Variants in SV2C observed in about 807,000 individuals in gnomAD.
SV2C encodes solute carrier family 22 member B3.
SV2C carries 49 observed loss-of-function variants against 79.7 expected under a neutral mutation model. That is an observed-to-expected ratio of 0.61 (90% CI 0.49 to 0.78). The LOEUF is 0.78. Among genes scored for constraint, SV2C ranks in the 30% least tolerant of loss-of-function variants. The pLI is 0.00. For synonymous variants in SV2C, 334 were observed against 333.2 expected (o/e 1.00, Z -0.03); for missense variants, 833 against 912.9 (o/e 0.91, Z 1.13).
chr5:76,010,199 A>G, the SV2C span, among the ~76,000 whole-genome samples: 75 of 152,180 alleles, frequency 4.9e-4, no homozygotes, highest in African/African-American at 1.7e-3. Context: ...TGTAGAGTGA[A>G]CAGGCATCAG....
At chr5:76,254,689 A>G (rs1002375451) in intron 4 of SV2C, among the ~76,000 whole-genome samples, 2 of 152,224 alleles carry the variant, frequency 1.3e-5, no homozygotes, top group Non-Finnish European at 2.9e-5. Flanking sequence ...AAATCTTCTC[A>G]TGGCTTAATT....
chr5:76,042,390 A>G, the SV2C span, among the ~76,000 whole-genome samples: 1 of 152,198 alleles, frequency 6.6e-6, no homozygotes, highest in Non-Finnish European at 1.5e-5. Context: ...TGCTATAGGA[A>G]TTAGATAAAC....
At chr5:76,121,945 A>G (rs868649403) in intron 1 of SV2C, among the ~76,000 whole-genome samples, 1,629 of 152,146 alleles carry the variant, frequency 0.011, 22 homozygotes, top group Non-Finnish European at 0.015. Flanking sequence ...CATTGAATCT[A>G]TAAATTACCT....
At chr5:76,294,116 C>T (rs1417982815) in intron 8 of SV2C, among the ~76,000 whole-genome samples, 2 of 152,116 alleles carry the variant, frequency 1.3e-5, no homozygotes, top group African/African-American at 4.8e-5. Flanking sequence ...GATGATGATC[C>T]TGCTGGTCCG....
At chr5:76,278,081 A>G (rs1395780597) in intron 4 of SV2C, among the ~76,000 whole-genome samples, 1 of 152,252 alleles carries the variant, frequency 6.6e-6, no homozygotes, top group Non-Finnish European at 1.5e-5. Context: ...TTTGCTGTTT[A>G]GTGTAGATTC....
intron 2 of SV2C, among the ~76,000 whole-genome samples, chr5:76,143,475 A>G (rs932869740): frequency 6.6e-6 from 1 of 152,180 alleles, no homozygotes; most frequent in African/African-American, 2.4e-5. Context: ...CACACATTGC[A>G]GGATGTTTAC....
chr5:76,082,961 C>G (rs899704733), upstream of SV2C, among the ~76,000 whole-genome samples: 5 of 152,226 alleles, frequency 3.3e-5, no homozygotes, highest in African/African-American at 1.2e-4. Context: ...AGTCAGAACT[C>G]CCTCGCGTCT....
chr5:76,272,478 G>A (rs1386524490), intron 4 of SV2C, among the ~76,000 whole-genome samples: 4 of 152,140 alleles, frequency 2.6e-5, no homozygotes, highest in East Asian at 1.9e-4. Flanking sequence ...GGGTTTTTAC[G>A]GACAGCTACT....
intron 4 of SV2C, among the ~76,000 whole-genome samples, chr5:76,264,095 A>G (rs1363016656): frequency 1.3e-5 from 2 of 151,990 alleles, no homozygotes; most frequent in Admixed American, 6.6e-5. Flanking sequence ...TGGTCTTTTC[A>G]CATAGTCCCC....
chr5:76,270,308 T>G (rs1183995016), intron 4 of SV2C, among the ~76,000 whole-genome samples: 1 of 152,176 alleles, frequency 6.6e-6, no homozygotes, highest in East Asian at 1.9e-4. Flanking sequence ...AAGTTGTGTG[T>G]GGGGGAAGTA....
At chr5:76,351,247 A>T (rs914750153) in intron 12 of SV2C, among the ~76,000 whole-genome samples, 4 of 152,112 alleles carry the variant, frequency 2.6e-5, no homozygotes, top group African/African-American at 9.7e-5. Flanking sequence ...GGGGTTTGAG[A>T]CCAGACTGGG....
intron 12 of SV2C, among the ~76,000 whole-genome samples, chr5:76,348,414 T>G (rs1480533468): frequency 6.6e-6 from 1 of 152,196 alleles, no homozygotes; most frequent in Non-Finnish European, 1.5e-5. Flanking sequence ...CATATGCAAG[T>G]TTTTGTATGG....
intron 4 of SV2C, among the ~76,000 whole-genome samples, chr5:76,252,587 G>A (rs1303569856): frequency 2.0e-5 from 3 of 152,208 alleles, no homozygotes; most frequent in African/African-American, 7.2e-5. Flanking sequence ...ACAAAGAGGT[G>A]ATTCAAAATA....
At chr5:76,020,694 G>A in the SV2C span, among the ~76,000 whole-genome samples, 2 of 152,186 alleles carry the variant, frequency 1.3e-5, no homozygotes. Flanking sequence ...AGGCTAGGCT[G>A]TGTTTCTCAG....
chr5:76,134,101 A>G (rs1748990259), intron 2 of SV2C, among the ~76,000 whole-genome samples: 2 of 152,034 alleles, frequency 1.3e-5, no homozygotes, highest in Admixed American at 1.3e-4. Flanking sequence ...TATCCTCCAA[A>G]CCCAGAAACC....
chr5:76,172,493 C>A (rs1218719899), intron 2 of SV2C, among the ~76,000 whole-genome samples: 1 of 80,664 alleles, frequency 1.2e-5, no homozygotes, highest in African/African-American at 5.3e-5. Flanking sequence ...CCGGCCGCCC[C>A]TACTGGGAAG....
chr5:75,919,248 A>T, the SV2C span, among the ~76,000 whole-genome samples: 1 of 152,086 alleles, frequency 6.6e-6, no homozygotes, highest in East Asian at 1.9e-4. Flanking sequence ...GATCAGAGAG[A>T]AAAAAACATC....
chr5:75,900,740 G>T, the SV2C span, among the ~76,000 whole-genome samples: 3 of 152,070 alleles, frequency 2.0e-5, no homozygotes, highest in Non-Finnish European at 4.4e-5. Flanking sequence ...TGTAGATTTG[G>T]TCTTTTCACA....
chr5:76,017,165 T>C, the SV2C span, among the ~76,000 whole-genome samples: 1 of 152,230 alleles, frequency 6.6e-6, no homozygotes. Flanking sequence ...AGCTTTACCT[T>C]CAGCATTGTT....
Sources: gnomAD v4.1 joint callset for allele counts (sites outside exome capture counted in the v4.1 genomes callset) on GRCh38, gnomAD v4.1.1 for gene constraint, MANE v1.5 for transcripts, NCBI Gene and HGNC (gene_info 2026-07-23, HGNC 2026-07-21) for gene names.